PTPRT: variants seen among roughly 807,000 people sequenced by gnomAD.
The protein encoded by PTPRT is protein tyrosine phosphatase receptor type T.
A neutral mutation model predicts 176.8 loss-of-function variants in PTPRT; 56 were observed. That is an observed-to-expected ratio of 0.32 (90% confidence interval 0.26 to 0.40). The LOEUF is 0.40. Among genes scored for constraint, PTPRT ranks in the 10% least tolerant of loss-of-function variants. PTPRT has a pLI of 1.00. For synonymous variants in PTPRT, 783 were observed against 739.0 expected (o/e 1.06, Z -0.96); for missense variants, 1,540 against 1,908.2 (o/e 0.81, Z 3.60).
At chr20:42,181,440 G>C (rs1020226650) in intron 16 of PTPRT, among the ~76,000 whole-genome samples, 1 of 152,134 alleles carries the variant, frequency 6.6e-6, no homozygotes, top group Non-Finnish European at 1.5e-5. Flanking sequence ...ACAAGGATTA[G>C]GACTTTCTAA....
chr20:43,179,894 C>T (rs545060708), intron 1 of PTPRT, among the ~76,000 whole-genome samples: 1 of 152,330 alleles, frequency 6.6e-6, no homozygotes, highest in South Asian at 2.1e-4. Context: ...TCCTGGCATT[C>T]ATGCCTGTGA....
At chr20:42,597,298 C>G (rs536317905) in intron 7 of PTPRT, among the ~76,000 whole-genome samples, 1 of 152,246 alleles carries the variant, frequency 6.6e-6, no homozygotes, top group Non-Finnish European at 1.5e-5. Flanking sequence ...GATTAGAAAC[C>G]TTAGTTTTAT....
chr20:42,082,006 C>G lies in PTPRT; in HGVS notation c.4148G>C (p.Gly1383Ala), dbSNP rs780343691. The G allele has an allele frequency of 1.9e-6, 3 of 1,614,072 alleles. No individual in the cohort carries two copies. The highest frequency in any genetic ancestry group is 2.7e-5 in the African/African-American group (2 of 74,926). ...GATGGCACAGAAGGTTCCACTACGG[C>G]CTCCCCCATTTCTAAACACAGAGCA... is the stretch of plus-strand genomic sequence containing the variant. ...RTVVHCLNGG[G>A]RSGTFCAICS... The change falls in exon 30 of 31, where the codon GGC (glycine) becomes GCC (alanine). Residue 1383 changes from glycine to alanine, a missense_variant. Physicochemically the swap from Gly to Ala is moderately conservative, Grantham distance 60 (BLOSUM62 0). Coordinates refer to ENST00000373187, the MANE Select transcript of PTPRT (RefSeq NM_007050.6).
chr20:42,645,775 T>A (rs193091173), intron 7 of PTPRT, among the ~76,000 whole-genome samples: 1 of 149,600 alleles, frequency 6.7e-6, no homozygotes, highest in Admixed American at 6.6e-5. Context: ...TGTGTGTGTG[T>A]GTGTGTGTGT....
At chr20:42,642,055 T>C (rs1487885178) in intron 7 of PTPRT, among the ~76,000 whole-genome samples, 1 of 152,240 alleles carries the variant, frequency 6.6e-6, no homozygotes, top group East Asian at 1.9e-4. Flanking sequence ...AACCAGACTG[T>C]TTACACCAGC....
chr20:42,107,655 T>G (rs986278666), intron 23 of PTPRT, among the ~76,000 whole-genome samples: 4 of 152,214 alleles, frequency 2.6e-5, no homozygotes, highest in Non-Finnish European at 4.4e-5. Flanking sequence ...GTAAGACATG[T>G]GCCTTACACA....
At chr20:42,440,788 T>C (rs536154433) in intron 9 of PTPRT, among the ~76,000 whole-genome samples, 1 of 152,328 alleles carries the variant, frequency 6.6e-6, no homozygotes, top group Non-Finnish European at 1.5e-5. Flanking sequence ...GTATTAGTTA[T>C]GTCAAGACCA....
chr20:43,111,579 C>T (rs2012871531), intron 1 of PTPRT, among the ~76,000 whole-genome samples: 1 of 144,908 alleles, frequency 6.9e-6, no homozygotes. Context: ...AGAATGGTTA[C>T]ATAATGGGAC....
rs535970075 is a variant in PTPRT, at chr20:42,853,011, C to T, written c.214+32796G>A. Among the ~76,000 whole-genome samples the T allele has an allele frequency of 1.4e-3, 206 of 152,284 alleles. 2 individuals are homozygous for T. In the South Asian group the frequency reaches 0.042, roughly 31 times the overall value. ...GTGAAGGCATCAGGAGATGGGGATGCTGAGAGTCAGAAGCTAGATGATGAA... is the reference window on the plus strand; with the variant it reads ...GTGAAGGCATCAGGAGATGGGGATGTTGAGAGTCAGAAGCTAGATGATGAA... On this transcript the variant is annotated intron_variant, in intron 2 of 30. Transcript: ENST00000373187.
intron 8 of PTPRT, among the ~76,000 whole-genome samples, chr20:42,453,934 G>C (rs1401820447): frequency 6.6e-6 from 1 of 151,702 alleles, no homozygotes; most frequent in Non-Finnish European, 1.5e-5. Context: ...CTTGACCTCA[G>C]GTGATACACC....
At chr20:42,685,343 G>C (rs181939879) in intron 6 of PTPRT, 71 of 152,270 alleles carry the variant, frequency 4.7e-4, no homozygotes, top group African/African-American at 1.7e-3. Context: ...CTCTAGCATA[G>C]GGGAATTGTG....
Position 43,007,197 on chromosome 20 carries a change from C to T in PTPRT, c.89-121265G>A, listed in dbSNP as rs572058475. ...GTACCCAGCAGAGCAAAAGTGAAAG[C>T]TGTCTCCTAACTATGCAGCTCTCTC... On this transcript the variant is annotated intron_variant, in intron 1 of 30. Coordinates refer to ENST00000373187, the MANE Select transcript of PTPRT (RefSeq NM_007050.6). Among the ~76,000 whole-genome samples, 7 of 152,314 alleles carry T rather than the reference C, an allele frequency of 4.6e-5. No homozygotes were observed. The East Asian group carries it at 7.7e-4, about 17-fold the overall frequency.
At chr20:42,457,969 T>C (rs917238483) in intron 8 of PTPRT, among the ~76,000 whole-genome samples, 1 of 152,092 alleles carries the variant, frequency 6.6e-6, no homozygotes, top group Non-Finnish European at 1.5e-5. Flanking sequence ...CTTTCCCCAC[T>C]CCCATCCACC....
chr20:42,294,594 T>G (rs1255008884), intron 12 of PTPRT, among the ~76,000 whole-genome samples: 1 of 151,868 alleles, frequency 6.6e-6, no homozygotes, highest in Non-Finnish European at 1.5e-5. Context: ...ATCTAAAAAA[T>G]TTTTTAAAAT....
At chr20:42,608,582 G>C (rs994031687) in intron 7 of PTPRT, among the ~76,000 whole-genome samples, 1 of 152,146 alleles carries the variant, frequency 6.6e-6, no homozygotes, top group Admixed American at 6.5e-5. Context: ...ATATCAAATG[G>C]GAAGACTGGA....
At chr20:42,850,637 C>A (rs968517240) in intron 2 of PTPRT, among the ~76,000 whole-genome samples, 1 of 152,214 alleles carries the variant, frequency 6.6e-6, no homozygotes, top group Non-Finnish European at 1.5e-5. Flanking sequence ...GCAGTGTCAA[C>A]CCCAAAGGCA....
At chr20:42,409,767 TA>T (rs1427519954) in intron 9 of PTPRT, among the ~76,000 whole-genome samples, 1 of 152,252 alleles carries the variant, frequency 6.6e-6, no homozygotes, top group African/African-American at 2.4e-5. Flanking sequence ...ACCTTTGCTC[TA>T]TCTTTGTAAA....
intron 1 of PTPRT, among the ~76,000 whole-genome samples, chr20:42,886,787 C>G (rs987315432): frequency 1.3e-5 from 2 of 152,194 alleles, no homozygotes; most frequent in African/African-American, 4.8e-5. Flanking sequence ...GAGGCTCCAA[C>G]TAGGAAACAC....
intron 1 of PTPRT, among the ~76,000 whole-genome samples, chr20:42,979,462 C>G (rs891910610): frequency 6.6e-6 from 1 of 152,110 alleles, no homozygotes; most frequent in Non-Finnish European, 1.5e-5. Context: ...CCCGTAAAAT[C>G]AAATACACAT....
Sources: gnomAD v4.1 joint callset for allele counts (sites outside exome capture counted in the v4.1 genomes callset) on GRCh38, gnomAD v4.1.1 for gene constraint, MANE v1.5 for transcripts, NCBI Gene and HGNC (gene_info 2026-07-23, HGNC 2026-07-21) for gene names.